Variants in ECT2 observed in about 807,000 individuals in gnomAD.
ECT2 encodes protein ECT2.
Under a neutral mutation model 116.9 loss-of-function variants are expected in ECT2, and 61 were observed. The ratio of observed to expected loss-of-function variants is 0.52; its 90% confidence interval spans 0.42 to 0.65. ECT2 has a LOEUF of 0.65. Ranked by LOEUF, ECT2 falls within the 30% of genes least tolerant of loss-of-function variation. The pLI, the probability that ECT2 is intolerant of heterozygous loss-of-function variation, is 0.00. For synonymous variants in ECT2, 358 were observed against 346.4 expected, an observed-to-expected ratio of 1.03 and a Z score of -0.37; for missense variants, 937 against 1,078.7, an observed-to-expected ratio of 0.87 and a Z score of 1.84.
At chr3:172,816,889 G>A in intron 24 of ECT2, 52 bp downstream of exon 24, 1 of 1,372,688 alleles carries the variant, frequency 7.3e-7, no homozygotes, top group South Asian at 1.8e-5. Context: ...AAGTTGTTAT[G>A]GAATTTGTTA....
At chr3:172,758,879 T>TGG (rs1717629258) in intron 5 of ECT2, 101 bp from the exon 6 acceptor site, 2 of 1,020,768 alleles carry the variant, frequency 2.0e-6, no homozygotes, top group South Asian at 3.1e-5. Flanking sequence ...TTGGGAAAGT[T>TGG]GAATGGCAAG....
chr3:172,822,410 C>T (rs1730730878), downstream of ECT2, among the ~76,000 whole-genome samples: 1 of 151,828 alleles, frequency 6.6e-6, no homozygotes, highest in South Asian at 2.1e-4. Context: ...AAAGAATAAT[C>T]TGGAAATCCT....
chr3:172,782,143 T>C lies in ECT2; in HGVS notation c.1549-20T>C. The C allele has an allele frequency of 4.7e-6, 7 of 1,484,130 alleles. No individual in the cohort carries two copies. Among genetic ancestry groups the C allele is most frequent in the Non-Finnish European group, 6.4e-6 (7 of 1,093,842 alleles). 91.9% of individuals were successfully genotyped at this position (1,484,130 alleles called of 1,614,324 possible). ...AGCTGTCAGGTTTAATTTTAAATAT[T>C]TCAATTCGTGCTATTTCAGGATGAT... On this transcript the variant is annotated intron_variant, in intron 14 of 24. Transcript: ENST00000392692.
At chr3:172,789,541 A>G (rs908017821) in intron 18 of ECT2, among the ~76,000 whole-genome samples, 1 of 152,142 alleles carries the variant, frequency 6.6e-6, no homozygotes, top group African/African-American at 2.4e-5. Context: ...GAAGTTGGCC[A>G]TATCAGTTGA....
intron 14 of ECT2, among the ~76,000 whole-genome samples, chr3:172,778,270 AAG>A (rs1354324608): frequency 1.3e-5 from 2 of 152,200 alleles, no homozygotes; most frequent in African/African-American, 4.8e-5. Flanking sequence ...AGGAAAAGTT[AAG>A]AGAATCCTAT....
intron 14 of ECT2, among the ~76,000 whole-genome samples, chr3:172,779,156 T>G (rs1415251995): frequency 6.6e-6 from 1 of 152,216 alleles, no homozygotes; most frequent in East Asian, 1.9e-4. Context: ...GAGGAACATA[T>G]AGCTTAAATA....
At chr3:172,769,580 G>A (rs1201635710) in intron 13 of ECT2, among the ~76,000 whole-genome samples, 4 of 152,092 alleles carry the variant, frequency 2.6e-5, no homozygotes, top group Non-Finnish European at 5.9e-5. Flanking sequence ...GTTGATATAA[G>A]TAATTTTTTT....
downstream of ECT2, among the ~76,000 whole-genome samples, chr3:172,822,008 G>A (rs538880751): frequency 3.5e-4 from 53 of 151,718 alleles, no homozygotes; most frequent in Admixed American, 1.6e-3. Flanking sequence ...TTAGGATTCT[G>A]TATCATGCAT....
chr3:172,793,130 T>C (rs898315403), intron 18 of ECT2, among the ~76,000 whole-genome samples: 1 of 152,152 alleles, frequency 6.6e-6, no homozygotes, highest in Non-Finnish European at 1.5e-5. Context: ...TTACCAACAA[T>C]TGGTATGGTC....
downstream of ECT2, among the ~76,000 whole-genome samples, chr3:172,824,184 G>GTATT: frequency 6.6e-6 from 1 of 152,310 alleles, no homozygotes; most frequent in South Asian, 2.1e-4. Context: ...GGTACCACGT[G>GTATT]TATTAGTCTT....
the ECT2 span, among the ~76,000 whole-genome samples, chr3:172,827,728 A>T: frequency 1.3e-5 from 2 of 152,192 alleles, no homozygotes; most frequent in African/African-American, 4.8e-5. Flanking sequence ...CAATAGGTTG[A>T]CTATAGGTAA....
chr3:172,791,393 C>T (rs181740961), intron 18 of ECT2, among the ~76,000 whole-genome samples: 97 of 152,314 alleles, frequency 6.4e-4, no homozygotes, highest in African/African-American at 2.2e-3. Flanking sequence ...CTGTGAAAGT[C>T]CTAGAAAGCA....
chr3:172,751,245 C>T (rs1248384140), intron 1 of ECT2: 1 of 152,278 alleles, frequency 6.6e-6, no homozygotes, highest in East Asian at 1.9e-4. Context: ...TAGGATTCAT[C>T]CTGGCTTCTT....
downstream of ECT2, among the ~76,000 whole-genome samples, chr3:172,824,404 G>C (rs888327598): frequency 3.9e-5 from 6 of 152,086 alleles, no homozygotes; most frequent in Non-Finnish European, 7.4e-5. Flanking sequence ...GACGGGGAAG[G>C]TGCTACACAC....
chr3:172,766,779 T>G (rs188587505), intron 12 of ECT2, among the ~76,000 whole-genome samples: 60 of 152,242 alleles, frequency 3.9e-4, no homozygotes, highest in Middle Eastern at 3.4e-3. Flanking sequence ...TGAACCAGCT[T>G]GAGAGGGAGA....
intron 13 of ECT2, among the ~76,000 whole-genome samples, chr3:172,770,823 A>ATT (rs535896321): frequency 6.7e-6 from 1 of 149,048 alleles, no homozygotes; most frequent in Middle Eastern, 3.3e-3. Flanking sequence ...AGTGTTAAAG[A>ATT]TTTTTTTTTT....
At chr3:172,787,902 A>G (rs1442825116) in intron 18 of ECT2, among the ~76,000 whole-genome samples, 2 of 152,224 alleles carry the variant, frequency 1.3e-5, no homozygotes, top group African/African-American at 2.4e-5. Context: ...AAAAGTAGCA[A>G]ATAGATTAGT....
In ECT2 at chr3:172,807,814, C is replaced by G. The variant is rs749355627; in HGVS notation, c.2290C>G (p.Gln764Glu). 3.1e-5 allele frequency: 50 copies of G among 1,613,824 alleles called. No individual in the cohort carries two copies. In the East Asian group the frequency reaches 1.1e-3, roughly 35 times the overall value. Residue 764 changes from glutamine (Q) to glutamate (E), a missense_variant, in exon 22 of 25, where the codon CAG becomes GAG. Coordinates refer to ENST00000392692, the MANE Select transcript of ECT2 (RefSeq NM_001258315.2). The stretch of plus-strand genomic sequence containing the variant: ...CTTGCTTGTGAGGCCACCAACAGAG[C>G]AGGCAAATGTGCTACTCAGTTTCCA... ...FALLVRPPTE[Q>E]ANVLLSFQMT...
chr3:172,798,741 T>G (rs536553511), intron 18 of ECT2, among the ~76,000 whole-genome samples: 1 of 152,178 alleles, frequency 6.6e-6, no homozygotes. Context: ...CCTCCACAAT[T>G]TGAAAACTTT....
Sources: allele counts gnomAD v4.1 joint callset (sites outside exome capture counted in the v4.1 genomes callset), GRCh38; gene constraint gnomAD v4.1.1; transcripts MANE v1.5; gene names NCBI Gene and HGNC (gene_info 2026-07-23, HGNC 2026-07-21).